PPAT: variants seen among roughly 807,000 people sequenced by gnomAD.
The protein encoded by PPAT is amidophosphoribosyltransferase.
Under a neutral mutation model 60.2 loss-of-function variants are expected in PPAT, and 20 were observed. The ratio of observed to expected loss-of-function variants is 0.33; its 90% confidence interval spans 0.23 to 0.48. PPAT has a LOEUF of 0.48. Ranked by LOEUF, PPAT falls within the 20% of genes least tolerant of loss-of-function variation. The pLI is 0.99. For synonymous variants in PPAT, 194 were observed against 215.1 expected (o/e 0.90, Z 0.86); for missense variants, 349 against 629.6 (o/e 0.55, Z 4.77).
rs368322366 is a variant in PPAT, at chr4:56,403,073, G to A, written c.628C>T (p.Arg210Cys). Residue 210 changes from arginine (R) to cysteine (C), a missense_variant, in exon 5 of 11, where the codon CGT becomes TGT. Around this residue, in one of 5 missense-constraint regions of PPAT, gnomAD observed 63 missense variants for 86.9 expected, o/e 0.73. Transcript: ENST00000264220. The part of the protein sequence containing the change: ...PYGNRPLCIG[R>C]LIPVSDINDK... The stretch of plus-strand genomic sequence containing the variant: ...TTTATATCAGACACTGGAATAAGAC[G>A]ACCAATGCATAAGGGACGATTTCCA... 19 of 1,610,704 alleles carry A rather than the reference G, an allele frequency of 1.2e-5. No homozygotes were observed. Among genetic ancestry groups the A allele is most frequent in the African/African-American group, 4.0e-5 (3 of 74,686 alleles).
intron 1 of PPAT, chr4:56,410,760 G>T: frequency 3.0e-6 from 3 of 987,306 alleles, no homozygotes; most frequent in Non-Finnish European, 3.6e-6. Flanking sequence ...TCTGGAGACA[G>T]CTCTAAAACT....
intron 7 of PPAT, 86 bp from the exon 8 acceptor site, chr4:56,400,997 C>A: frequency 3.0e-6 from 4 of 1,312,656 alleles, no homozygotes; most frequent in African/African-American, 1.5e-5. Flanking sequence ...TAGAATTCTA[C>A]AGATTGAGTA....
intron 1 of PPAT, among the ~76,000 whole-genome samples, chr4:56,408,685 C>T (rs1332081732): frequency 4.2e-5 from 6 of 144,300 alleles, no homozygotes; most frequent in African/African-American, 1.3e-4. Flanking sequence ...ACCCAGGAGG[C>T]GGAGCTTGCA....
intron 1 of PPAT, among the ~76,000 whole-genome samples, chr4:56,433,300 A>G (rs779483704): frequency 7.9e-5 from 12 of 151,074 alleles, no homozygotes; most frequent in Non-Finnish European, 1.6e-4. Context: ...TCACATCATT[A>G]TTGCCCTTAT....
intron 1 of PPAT, chr4:56,411,043 C>A: frequency 3.5e-6 from 2 of 563,670 alleles, no homozygotes; most frequent in Non-Finnish European, 4.5e-6. Flanking sequence ...GAAAAATAAC[C>A]AATTTATTAT....
intron 1 of PPAT, among the ~76,000 whole-genome samples, chr4:56,412,637 A>G (rs554250469): frequency 6.6e-6 from 1 of 152,288 alleles, no homozygotes; most frequent in African/African-American, 2.4e-5. Flanking sequence ...GCATCACTAT[A>G]TTTCCAATCA....
rs574416912 is a variant in PPAT, at chr4:56,425,457, G to A, written c.128+9893C>T. 5.5e-4 allele frequency: 477 copies of A among 870,868 alleles called. 1 individual carries two copies. The highest frequency in any genetic ancestry group is 1.2e-3 in the Middle Eastern group (2 of 1,698). The allele number at this position is 870,868 out of a possible 1,614,324, so 53.9% of individuals were successfully genotyped here. On this transcript the variant is annotated intron_variant, in intron 1 of 10. Coordinates refer to ENST00000264220, the MANE Select transcript of PPAT (RefSeq NM_002703.5). Reference sequence around the variant, plus strand: ...GTGAAAAAAGAAAGCTCAGACATAGGTATGCTGCTAATCTTAAATACAGGC... The same window carrying A: ...GTGAAAAAAGAAAGCTCAGACATAGATATGCTGCTAATCTTAAATACAGGC...
chr4:56,418,128 C>T (rs1716865112), intron 1 of PPAT, among the ~76,000 whole-genome samples: 1 of 151,538 alleles, frequency 6.6e-6, no homozygotes, highest in Non-Finnish European at 1.5e-5. Context: ...TGAGCCACCG[C>T]ACCTGGCTGA....
intron 6 of PPAT, among the ~76,000 whole-genome samples, chr4:56,401,844 G>A (rs1716119570): frequency 6.6e-6 from 1 of 151,996 alleles, no homozygotes; most frequent in Non-Finnish European, 1.5e-5. Context: ...ATATTGTACT[G>A]TAAAAAGAGA....
At chr4:56,400,973 TAAA>T in intron 7 of PPAT, 62 bp from the exon 8 acceptor site, 1 of 1,470,062 alleles carries the variant, frequency 6.8e-7, no homozygotes, top group East Asian at 2.3e-5. Context: ...AGTGTTATTC[TAAA>T]AAACTAGTGC....
In PPAT at chr4:56,396,877, T is replaced by C; in HGVS notation, c.1237-138A>G. The C allele has an allele frequency of 1.2e-6, 1 of 846,500 alleles. No homozygotes were observed. Among genetic ancestry groups the C allele is most frequent in the East Asian group, 3.1e-5 (1 of 32,226 alleles). The allele number at this position is 846,500 out of a possible 1,614,324, so 52.4% of individuals were successfully genotyped here. ...TAAATTATTCTTTCTACAAAGCTGC[T>C]TCTTGGTTTTTTTTTTCTTTCACCT... On this transcript the variant is annotated intron_variant, in intron 9 of 10. Coordinates refer to ENST00000264220, the MANE Select transcript of PPAT (RefSeq NM_002703.5). The surrounding 1 kb of genome is among the most constrained non-coding windows in gnomAD (Gnocchi z 4.6).
chr4:56,397,586 A>G (rs1045077468), intron 9 of PPAT, among the ~76,000 whole-genome samples: 3 of 152,126 alleles, frequency 2.0e-5, no homozygotes, highest in African/African-American at 7.2e-5. Flanking sequence ...TTACATAACT[A>G]TTAGTTGTAA....
At chr4:56,424,104 T>A (rs1454186243) in intron 1 of PPAT, among the ~76,000 whole-genome samples, 1 of 152,246 alleles carries the variant, frequency 6.6e-6, no homozygotes, top group Non-Finnish European at 1.5e-5. Context: ...AAATTGGAGT[T>A]GCTATTATTA....
At chr4:56,410,783 C>T in intron 1 of PPAT, 1 of 986,598 alleles carries the variant, frequency 1.0e-6, no homozygotes, top group Non-Finnish European at 1.2e-6. Flanking sequence ...GAAGTTCTTC[C>T]ATGATTTGGA....
rs1485299665 is a variant in PPAT, at chr4:56,396,789, T to C, written c.1237-50A>G. The C allele has an allele frequency of 5.8e-6, 9 of 1,562,328 alleles. No homozygotes were observed. Among genetic ancestry groups the C allele is most frequent in the Non-Finnish European group, 7.8e-6 (9 of 1,152,152 alleles). Reference sequence around the variant, plus strand: ...AGGTTTTTAAGACTATGCAAAATTCTTTCATTGTGCAAATACAATACAAAA... The same window carrying C: ...AGGTTTTTAAGACTATGCAAAATTCCTTCATTGTGCAAATACAATACAAAA... On this transcript the variant is annotated intron_variant, in intron 9 of 10. Coordinates refer to ENST00000264220, the MANE Select transcript of PPAT (RefSeq NM_002703.5). This position sits in a 1 kb window ranked among gnomAD's most constrained non-coding sequence, Gnocchi z 4.6.
chr4:56,403,104 A>G lies in PPAT; in HGVS notation c.597T>C (p.Asp199=), dbSNP rs1480745958. The G allele has an allele frequency of 1.2e-6, 2 of 1,612,920 alleles. No homozygotes were observed. The highest frequency in any genetic ancestry group is 2.2e-5 in the South Asian group (2 of 91,022). The change falls in exon 5 of 11, where the codon GAT becomes GAC. Residue 199 remains aspartate, a synonymous_variant. Coordinates refer to ENST00000264220, the MANE Select transcript of PPAT (RefSeq NM_002703.5). ...MHRDVIYAVR[D]PYGNRPLCIG... ...TGCATAAGGGACGATTTCCATAAGG[A>G]TCTCGTACTGCATAAATAACATCTC...
chr4:56,428,658 T>C (rs1490845034), intron 1 of PPAT, among the ~76,000 whole-genome samples: 1 of 152,188 alleles, frequency 6.6e-6, no homozygotes, highest in Non-Finnish European at 1.5e-5. Flanking sequence ...CATTCCTCTT[T>C]GCATTTTCAT....
intron 3 of PPAT, 100 bp from the exon 4 acceptor site, chr4:56,403,501 G>A: frequency 1.2e-6 from 1 of 846,310 alleles, no homozygotes; most frequent in Non-Finnish European, 1.8e-6. Flanking sequence ...TTCTGTGGAT[G>A]TCCAGTTACA....
intron 1 of PPAT, among the ~76,000 whole-genome samples, chr4:56,419,444 G>C (rs1242962401): frequency 6.6e-6 from 1 of 152,168 alleles, no homozygotes; most frequent in Non-Finnish European, 1.5e-5. Context: ...ATAATGGACA[G>C]ATTTAGGTTC....
Sources: gnomAD v4.1 joint callset for allele counts (sites outside exome capture counted in the v4.1 genomes callset) on GRCh38, gnomAD v4.1.1 for gene constraint, gnomAD v4.1.1 regional missense constraint, Gnocchi (gnomAD v3.1) non-coding constraint, MANE v1.5 for transcripts, NCBI Gene and HGNC (gene_info 2026-07-23, HGNC 2026-07-21) for gene names.